The following PDPN variants were observed in gnomAD, a reference collection of about 807,000 sequenced individuals.
PDPN encodes podoplanin.
In PDPN, 12 loss-of-function variants were observed where a neutral mutation model predicts 23.2. The ratio of observed to expected loss-of-function variants is 0.52; its 90% confidence interval spans 0.33 to 0.84. The LOEUF is 0.84. Ranked by LOEUF, PDPN falls within the 40% of genes least tolerant of loss-of-function variation. PDPN has a pLI of 0.02. For missense variants in PDPN, 199 were observed against 212.2 expected (o/e 0.94, Z 0.39); for synonymous variants, 77 against 76.7 (o/e 1.00, Z -0.02).
At chr1:13,603,110 A>C (rs1640689678) in intron 1 of PDPN, among the ~76,000 whole-genome samples, 1 of 152,110 alleles carries the variant, frequency 6.6e-6, no homozygotes, top group Non-Finnish European at 1.5e-5. Flanking sequence ...AGAAAGAAAG[A>C]AATTCTGTTT....
chr1:13,611,584 T>C (rs1361779168), intron 3 of PDPN, among the ~76,000 whole-genome samples: 1 of 151,948 alleles, frequency 6.6e-6, no homozygotes, highest in African/African-American at 2.4e-5. Context: ...AAGAGGAGAA[T>C]GAGGAGTTAC....
chr1:13,596,949 T>C (rs1640512753), intron 1 of PDPN, among the ~76,000 whole-genome samples: 1 of 152,144 alleles, frequency 6.6e-6, no homozygotes, highest in Non-Finnish European at 1.5e-5. Flanking sequence ...CTGGAAAATG[T>C]TGGAGGTTGG....
intron 2 of PDPN, among the ~76,000 whole-genome samples, chr1:13,608,450 A>T (rs1222358669): frequency 1.3e-5 from 2 of 152,166 alleles, no homozygotes; most frequent in Admixed American, 1.3e-4. Context: ...TTTTTCTGCC[A>T]TCTTGGCCTT....
Position 13,593,645 on chromosome 1 carries a change from C to T in PDPN, c.67+9545C>T, listed in dbSNP as rs1377848538. ...GGCTGTCTGAGCTGCGTGGGGTGGA[C>T]GGTGAGGTCAGATGCAAAGGGGCTT... On this transcript the variant is annotated intron_variant, in intron 1 of 5. Coordinates refer to ENST00000621990, the MANE Select transcript of PDPN (RefSeq NM_006474.5). Among the ~76,000 whole-genome samples the T allele has an allele frequency of 5.3e-5, 8 of 152,248 alleles. No homozygotes were observed. In the East Asian group the frequency reaches 5.8e-4, roughly 11 times the overall value.
chr1:13,608,126 A>C (rs1640840216), intron 2 of PDPN, among the ~76,000 whole-genome samples: 1 of 152,126 alleles, frequency 6.6e-6, no homozygotes, highest in South Asian at 2.1e-4. Context: ...TAAATAAATA[A>C]GTCAGTCAGT....
intron 1 of PDPN, among the ~76,000 whole-genome samples, chr1:13,602,400 G>T (rs1378328682): frequency 6.6e-6 from 1 of 152,042 alleles, no homozygotes; most frequent in Non-Finnish European, 1.5e-5. Context: ...TTATAAGAGG[G>T]AATGCCATGT....
chr1:13,603,952 C>T (rs957922987), intron 1 of PDPN, among the ~76,000 whole-genome samples: 3 of 152,116 alleles, frequency 2.0e-5, no homozygotes, highest in South Asian at 2.1e-4. Context: ...CGTTTGCTGC[C>T]GCATTTGGAA....
intron 1 of PDPN, among the ~76,000 whole-genome samples, chr1:13,603,677 C>T (rs572592928): frequency 3.3e-5 from 5 of 151,710 alleles, no homozygotes; most frequent in East Asian, 1.9e-4. Context: ...CAACCTCCGC[C>T]CCCCGAGTTC....
chr1:13,616,706 G>A lies in PDPN; in HGVS notation c.*795G>A, dbSNP rs551788560. 6.6e-6 allele frequency: 1 copy of A among 152,398 alleles called. No individual in the cohort carries two copies. Among genetic ancestry groups the A allele is most frequent in the African/African-American group, 2.4e-5 (1 of 41,558 alleles). 9.4% of individuals were successfully genotyped at this position (152,398 alleles called of 1,614,324 possible). On this transcript the variant is annotated 3_prime_UTR_variant, in exon 6 of 6. Transcript: ENST00000621990. ...GATGATGAGGAGCCAGGGCTAAGGG[G>A]GCAGCCTTCTCTCTTCCCAGTGATG... is the stretch of plus-strand genomic sequence containing the variant.
Position 13,590,874 on chromosome 1 carries a change from C to T in PDPN, c.67+6774C>T, listed in dbSNP as rs1433871781. 4.1e-3 allele frequency among the ~76,000 whole-genome samples: 185 copies of T among 45,460 alleles called. 2 individuals carry two copies. The highest frequency in any genetic ancestry group is 4.4e-3 in the Non-Finnish European group (106 of 23,898). 29.8% of individuals were successfully genotyped at this position (45,460 alleles called of 152,430 possible). A position where few individuals can be genotyped will look rare whatever the true frequency, so the allele number is the denominator to read the frequency against. On this transcript the variant is annotated intron_variant, in intron 1 of 5. Transcript: ENST00000621990. ...TCTAGGGGCAGGTGCGGTGGAGGGG[C>T]GGGTGGGGGTGGTCAGGAGGTAAAG...
At chr1:13,610,615 T>C (rs987444610) in intron 3 of PDPN, 99 bp downstream of exon 3, 3 of 1,216,776 alleles carry the variant, frequency 2.5e-6, no homozygotes, top group African/African-American at 1.5e-5. Context: ...AGGGGGCATA[T>C]TGGGATGCAA....
chr1:13,594,311 C>T (rs764484608), intron 1 of PDPN, among the ~76,000 whole-genome samples: 5 of 152,248 alleles, frequency 3.3e-5, no homozygotes, highest in South Asian at 4.1e-4. Context: ...CTTGGAAGAG[C>T]GCTGAAGGGA....
intron 4 of PDPN, 37 bp from the exon 5 acceptor site, chr1:13,614,263 C>T (rs1179311285): frequency 1.8e-6 from 2 of 1,106,984 alleles, no homozygotes; most frequent in South Asian, 1.3e-5. Context: ...GTATTTTTTC[C>T]TCTGGGGCTC....
chr1:13,600,755 A>G (rs748946298), intron 1 of PDPN, among the ~76,000 whole-genome samples: 4 of 152,076 alleles, frequency 2.6e-5, no homozygotes, highest in Non-Finnish European at 4.4e-5. Flanking sequence ...CCCCTGTAAT[A>G]AGGGGCATTG....
chr1:13,608,433 CTT>C (rs2100270890), intron 2 of PDPN, among the ~76,000 whole-genome samples: 1 of 152,314 alleles, frequency 6.6e-6, no homozygotes, highest in South Asian at 2.1e-4. Flanking sequence ...ATCTCCTTAA[CTT>C]TCTCTTTTTC....
Position 13,616,338 on chromosome 1 carries a change from C to T in PDPN, c.*427C>T, listed in dbSNP as rs548618312. On this transcript the variant is annotated 3_prime_UTR_variant, in exon 6 of 6. Coordinates refer to ENST00000621990, the MANE Select transcript of PDPN (RefSeq NM_006474.5). ...CACGGAGTCCTTGGATCCAGTGCTA[C>T]GTCAGTAAATAGCACCAGCATTTTG... 4.0e-5 allele frequency: 8 copies of T among 201,840 alleles called. No homozygotes were observed. The highest frequency in any genetic ancestry group is 3.9e-3 in the Middle Eastern group (2 of 508). 12.5% of individuals were successfully genotyped at this position (201,840 alleles called of 1,614,324 possible). A position where few individuals can be genotyped will look rare whatever the true frequency, so the allele number is the denominator to read the frequency against.
Position 13,607,319 on chromosome 1 carries a change from G to A in PDPN, c.201+13G>A, listed in dbSNP as rs1640816989. 2 of 1,609,132 alleles carry A rather than the reference G, an allele frequency of 1.2e-6. No homozygotes were observed. The highest frequency in any genetic ancestry group is 2.2e-5 in the South Asian group (2 of 90,314). ...CTTGACAACTCTGGTCAGTGTCCTG[G>A]GAAGAGAGGAATTTTTTCCGTAGGC... On this transcript the variant is annotated intron_variant, in intron 2 of 5. Coordinates refer to ENST00000621990, the MANE Select transcript of PDPN (RefSeq NM_006474.5).
chr1:13,591,771 G>A (rs1050575302), intron 1 of PDPN, among the ~76,000 whole-genome samples: 2 of 152,152 alleles, frequency 1.3e-5, no homozygotes, highest in Non-Finnish European at 2.9e-5. Context: ...CATAGCTCAC[G>A]ACAGCCTCAG....
In PDPN at chr1:13,610,892, C is replaced by T. The variant is rs191315374; in HGVS notation, c.331+376C>T. 2.3e-3 allele frequency among the ~76,000 whole-genome samples: 353 copies of T among 152,320 alleles called. 1 individual carries two copies. Among genetic ancestry groups the T allele is most frequent in the African/African-American group, 8.0e-3 (334 of 41,578 alleles). ...ATAGATTCTATATGAATACTTAGCA[C>T]GTTACCTTGAGTTCATGTCTGCATG... is the stretch of plus-strand genomic sequence containing the variant. On this transcript the variant is annotated intron_variant, in intron 3 of 5. Coordinates refer to ENST00000621990, the MANE Select transcript of PDPN (RefSeq NM_006474.5).
Sources: allele counts gnomAD v4.1 joint callset (sites outside exome capture counted in the v4.1 genomes callset), GRCh38; gene constraint gnomAD v4.1.1; transcripts MANE v1.5; gene names NCBI Gene and HGNC (gene_info 2026-07-23, HGNC 2026-07-21).